Variants in CELF4 observed in about 807,000 individuals in gnomAD.
CELF4 encodes the protein CUG-BP- and ETR-3-like factor 4.
In CELF4, 18 loss-of-function variants were observed where a neutral mutation model predicts 59.9. That is an observed-to-expected ratio of 0.30 (90% CI 0.21 to 0.45). CELF4 has a LOEUF of 0.45. CELF4 is among the 20% of genes least tolerant of loss of function. CELF4 has a pLI of 1.00. For synonymous variants in CELF4, 261 were observed against 267.1 expected (o/e 0.98, Z 0.22); for missense variants, 456 against 689.0 (o/e 0.66, Z 3.79).
At position 37,376,973 on chromosome 18, in the gene CELF4, G is replaced by A. The variant is rs9960202; in HGVS notation, c.370-55092C>T. Among the ~76,000 whole-genome samples the A allele has an allele frequency of 6.6e-3, 1,009 of 152,248 alleles. 15 individuals carry two copies. The highest frequency in any genetic ancestry group is 0.023 in the African/African-American group (962 of 41,534). On this transcript the variant is annotated intron_variant, in intron 2 of 12. Coordinates refer to ENST00000420428, the MANE Select transcript of CELF4 (RefSeq NM_020180.4). ...GGCACAGCAGGGAGCATCCAGGGAT[G>A]GGGGAGTGGGCACAGGGGAGGGTGG...
chr18:37,464,628 C>G (rs1008845667), intron 2 of CELF4, among the ~76,000 whole-genome samples: 16 of 152,320 alleles, frequency 1.1e-4, no homozygotes, highest in African/African-American at 3.6e-4. Flanking sequence ...CTCAGACAGG[C>G]TGGCTGAGAA....
chr18:37,539,206 T>G (rs2099975879), intron 1 of CELF4, among the ~76,000 whole-genome samples: 1 of 152,224 alleles, frequency 6.6e-6, no homozygotes, highest in Admixed American at 6.5e-5. Flanking sequence ...TCCGAGAGCT[T>G]TGCACATATT....
chr18:37,363,500 C>A (rs1040195403), intron 2 of CELF4, among the ~76,000 whole-genome samples: 10 of 152,142 alleles, frequency 6.6e-5, no homozygotes, highest in African/African-American at 2.4e-4. Flanking sequence ...TCCTAGCACA[C>A]AAAATCGGGA....
At chr18:37,250,278 G>A (rs2064691059) in intron 12 of CELF4, among the ~76,000 whole-genome samples, 1 of 152,174 alleles carries the variant, frequency 6.6e-6, no homozygotes, top group Non-Finnish European at 1.5e-5. Flanking sequence ...GCCACCAGAG[G>A]GGTAGGGCAG....
intron 2 of CELF4, among the ~76,000 whole-genome samples, chr18:37,335,482 A>AGTGTGT (rs55853220): frequency 4.2e-4 from 60 of 144,200 alleles, no homozygotes; most frequent in African/African-American, 1.2e-3. Context: ...CAGTGCATGC[A>AGTGTGT]GTGTGTGTGT....
chr18:37,375,510 T>A (rs147779986), intron 2 of CELF4, among the ~76,000 whole-genome samples: 291 of 152,300 alleles, frequency 1.9e-3, no homozygotes, highest in Non-Finnish European at 3.3e-3. Context: ...TGACCTCCGA[T>A]GCTGATGCTG....
chr18:37,354,690 C>T (rs1603626447), intron 2 of CELF4, among the ~76,000 whole-genome samples: 1 of 152,194 alleles, frequency 6.6e-6, no homozygotes, highest in African/African-American at 2.4e-5. Context: ...GAGGTGGGTG[C>T]ACTCTGGGGT....
chr18:37,255,876 C>A (rs970741225), intron 11 of CELF4, among the ~76,000 whole-genome samples: 1 of 152,142 alleles, frequency 6.6e-6, no homozygotes. Context: ...ACAGGCGTAG[C>A]GGCAGGCAGA....
intron 2 of CELF4, among the ~76,000 whole-genome samples, chr18:37,466,008 G>A (rs534402034): frequency 6.6e-6 from 1 of 152,298 alleles, no homozygotes; most frequent in Non-Finnish European, 1.5e-5. Context: ...AGAGTCAAAG[G>A]CCACTGTGGA....
At chr18:37,457,968 T>G (rs1203510912) in intron 2 of CELF4, among the ~76,000 whole-genome samples, 1 of 152,168 alleles carries the variant, frequency 6.6e-6, no homozygotes, top group Non-Finnish European at 1.5e-5. Context: ...ACGAGCTGAT[T>G]CACACCGAGG....
intron 10 of CELF4, among the ~76,000 whole-genome samples, chr18:37,263,969 G>A (rs2076182672): frequency 6.6e-6 from 1 of 152,114 alleles, no homozygotes; most frequent in South Asian, 2.1e-4. Flanking sequence ...CTGCCCACCA[G>A]AGGAGGGGGA....
intron 1 of CELF4, among the ~76,000 whole-genome samples, chr18:37,549,229 C>T (rs771609273): frequency 2.0e-5 from 3 of 152,178 alleles, no homozygotes; most frequent in Non-Finnish European, 2.9e-5. Flanking sequence ...GAAATCCAAA[C>T]CATCCTAGAG....
intron 3 of CELF4, among the ~76,000 whole-genome samples, chr18:37,301,750 G>A (rs1307723984): frequency 6.6e-6 from 1 of 152,234 alleles, no homozygotes; most frequent in African/African-American, 2.4e-5. Flanking sequence ...GAGCCGGAAG[G>A]CCTCACTCGG....
At chr18:37,500,796 A>T (rs978629252) in intron 1 of CELF4, among the ~76,000 whole-genome samples, 2 of 151,980 alleles carry the variant, frequency 1.3e-5, no homozygotes, top group Non-Finnish European at 2.9e-5. Context: ...GGTCTCCCAA[A>T]GTGCTGGGAT....
chr18:37,522,296 T>G (rs1322284406), intron 1 of CELF4, among the ~76,000 whole-genome samples: 1 of 152,154 alleles, frequency 6.6e-6, no homozygotes, highest in Non-Finnish European at 1.5e-5. Context: ...ATAGTGACCA[T>G]GGTGAATTCT....
intron 2 of CELF4, among the ~76,000 whole-genome samples, chr18:37,419,368 C>A (rs891425303): frequency 1.1e-4 from 17 of 152,152 alleles, no homozygotes; most frequent in Non-Finnish European, 2.1e-4. Flanking sequence ...ACTTGGAGAA[C>A]CACTGGCACT....
At chr18:37,481,651 G>A (rs2099867557) in intron 2 of CELF4, among the ~76,000 whole-genome samples, 1 of 152,176 alleles carries the variant, frequency 6.6e-6, no homozygotes, top group South Asian at 2.1e-4. Context: ...CTGGCTCCTG[G>A]CCTGTTGTGT....
intron 2 of CELF4, among the ~76,000 whole-genome samples, chr18:37,424,041 C>T (rs1320093208): frequency 1.3e-5 from 2 of 151,822 alleles, no homozygotes; most frequent in Non-Finnish European, 2.9e-5. Context: ...CAACTTCCTG[C>T]TCCATGCACT....
At chr18:37,278,450 G>C (rs2093684395) in intron 3 of CELF4, among the ~76,000 whole-genome samples, 1 of 152,218 alleles carries the variant, frequency 6.6e-6, no homozygotes, top group African/African-American at 2.4e-5. Context: ...TCAGACCAGG[G>C]GCTGGAGGGA....
Sources: gnomAD v4.1 joint callset for allele counts (sites outside exome capture counted in the v4.1 genomes callset) on GRCh38, gnomAD v4.1.1 for gene constraint, MANE v1.5 for transcripts, NCBI Gene and HGNC (gene_info 2026-07-23, HGNC 2026-07-21) for gene names.